MYO1F: variants seen among roughly 807,000 people sequenced by gnomAD.
MYO1F encodes myosin IF, also known as unconventional myosin-If.
In MYO1F, 60 loss-of-function variants were observed where a neutral mutation model predicts 146.6. That is an observed-to-expected ratio of 0.41 (90% CI 0.33 to 0.51). The LOEUF (loss-of-function observed/expected upper bound fraction) is 0.51. Ranked by LOEUF, MYO1F falls within the 20% of genes least tolerant of loss-of-function variation. The pLI is 0.25. For missense variants in MYO1F, 1,274 were observed against 1,534.3 expected (o/e 0.83, Z 2.83); for synonymous variants, 602 against 602.1 (o/e 1.00, Z 0.00).
At chr19:8,521,706 A>C in intron 27 of MYO1F, 102 bp from the exon 28 acceptor site, 1 of 1,115,232 alleles carries the variant, frequency 9.0e-7, no homozygotes. Flanking sequence ...TATGTTGTCC[A>C]GGCTGGTCTT....
At chr19:8,521,721 T>C in intron 27 of MYO1F, 117 bp from the exon 28 acceptor site, 2 of 948,638 alleles carry the variant, frequency 2.1e-6, no homozygotes, top group Non-Finnish European at 3.3e-6. Context: ...GGTCTTAAAC[T>C]CCTAGGCTTA....
chr19:8,539,602 A>C (rs1303888768), intron 16 of MYO1F, among the ~76,000 whole-genome samples: 1 of 151,948 alleles, frequency 6.6e-6, no homozygotes, highest in Non-Finnish European at 1.5e-5. Context: ...TCTCAAAAAA[A>C]AAAATTATTG....
chr19:8,558,476 T>G (rs567688212), intron 1 of MYO1F, among the ~76,000 whole-genome samples: 2 of 152,238 alleles, frequency 1.3e-5, no homozygotes, highest in South Asian at 4.2e-4. Flanking sequence ...CAGACGACAC[T>G]TTCTTTAGGC....
intron 5 of MYO1F, 25 bp from the exon 6 acceptor site, chr19:8,553,253 G>A (rs1471052818): frequency 6.2e-7 from 1 of 1,613,340 alleles, no homozygotes; most frequent in Admixed American, 1.7e-5. Flanking sequence ...GGTGGAGTGG[G>A]AAGAAGTCAG....
chr19:8,564,051 G>A lies in MYO1F; in HGVS notation c.4-8255C>T, dbSNP rs553149658. ...GTGTCCATTGTCTGAGGTTAATGTC[G>A]GGATTTAAAGGAGGCCTAATTAGGT... On this transcript the variant is annotated intron_variant, in intron 1 of 27. Coordinates refer to ENST00000644032, the MANE Select transcript of MYO1F (RefSeq NM_012335.4). Among the ~76,000 whole-genome samples the A allele has an allele frequency of 1.8e-4, 27 of 152,208 alleles. No individual in the cohort carries two copies. The East Asian group carries it at 4.5e-3, about 25-fold the overall frequency.
chr19:8,564,851 C>T (rs1233967214), intron 1 of MYO1F, among the ~76,000 whole-genome samples: 2 of 151,920 alleles, frequency 1.3e-5, no homozygotes, highest in East Asian at 1.9e-4. Context: ...CGGCTCACTG[C>T]AACCTCCGCC....
At chr19:8,531,380 G>A (rs778915917) in intron 19 of MYO1F, among the ~76,000 whole-genome samples, 5 of 152,108 alleles carry the variant, frequency 3.3e-5, no homozygotes, top group African/African-American at 4.8e-5. Flanking sequence ...ACAGGGTCTC[G>A]CTCCGTCGCC....
At chr19:8,545,425 G>A (rs551088499) in intron 13 of MYO1F, 22 of 554,880 alleles carry the variant, frequency 4.0e-5, no homozygotes, top group South Asian at 3.4e-4. Context: ...TGGGGTTCCC[G>A]GGGAAATGTT....
Position 8,523,919 on chromosome 19 carries a change from G to T in MYO1F, c.2855-1090C>A, listed in dbSNP as rs1817901822. Among the ~76,000 whole-genome samples the T allele has an allele frequency of 2.0e-5, 3 of 151,904 alleles. No individual in the cohort carries two copies. In the South Asian group the frequency reaches 6.2e-4, roughly 32 times the overall value. ...GCTGATCACGAGGTCTGGAGTTTGA[G>T]ACAAGCCTGGCCAACATAGTGAAAC... On this transcript the variant is annotated intron_variant, in intron 25 of 27. Transcript: ENST00000644032.
At chr19:8,573,276 ACTCCATCCTGGG>A (rs1555732430) in intron 1 of MYO1F, among the ~76,000 whole-genome samples, 1 of 151,848 alleles carries the variant, frequency 6.6e-6, no homozygotes, top group East Asian at 1.9e-4. Flanking sequence ...ATGCCACTGC[ACTCCATCCTGGG>A]TGACAGAGCG....
intron 12 of MYO1F, among the ~76,000 whole-genome samples, chr19:8,547,300 CAAAAAAAAAAAAA>C (rs1196814670): frequency 4.4e-5 from 2 of 44,994 alleles, no homozygotes; most frequent in Non-Finnish European, 3.9e-5. Flanking sequence ...GTTCCTGTCT[CAAAAAAAAAAAAA>C]AAAAAAAAAA....
intron 1 of MYO1F, among the ~76,000 whole-genome samples, chr19:8,568,393 G>A (rs988858976): frequency 6.3e-5 from 9 of 143,718 alleles, no homozygotes; most frequent in African/African-American, 1.9e-4. Context: ...ACTGCAGTCC[G>A]GCCTGGGTGA....
chr19:8,568,438 A>ACAACAAC (rs60042889), intron 1 of MYO1F, among the ~76,000 whole-genome samples: 9 of 149,514 alleles, frequency 6.0e-5, no homozygotes, highest in Admixed American at 2.7e-4. Context: ...AAAAAAAAAA[A>ACAACAAC]AAAAAAATTA....
chr19:8,549,687 T>C (rs554499098), intron 10 of MYO1F: 1 of 178,108 alleles, frequency 5.6e-6, no homozygotes, highest in African/African-American at 2.4e-5. Context: ...TAATTTTTAG[T>C]AGAGAGGGGG....
chr19:8,551,300 C>G (rs907411707), intron 8 of MYO1F: 22 of 252,266 alleles, frequency 8.7e-5, no homozygotes, highest in Non-Finnish European at 1.3e-4. Context: ...GATCTACCTG[C>G]CTCGGCCTCC....
At chr19:8,546,637 G>A (rs1568353671) in intron 12 of MYO1F, among the ~76,000 whole-genome samples, 1 of 151,972 alleles carries the variant, frequency 6.6e-6, no homozygotes, top group Non-Finnish European at 1.5e-5. Flanking sequence ...TGGGACTATA[G>A]GTGTGAGTGA....
intron 1 of MYO1F, among the ~76,000 whole-genome samples, chr19:8,569,440 TC>T (rs1018259262): frequency 3.9e-5 from 6 of 152,134 alleles, no homozygotes; most frequent in African/African-American, 1.4e-4. Context: ...GGGACAACCT[TC>T]CTGGTATCAC....
chr19:8,544,012 C>CGGTGGCGGTGGT, intron 14 of MYO1F: 1 of 214,090 alleles, frequency 4.7e-6, no homozygotes. Flanking sequence ...GTGGCGGTGG[C>CGGTGGCGGTGGT]GGTGGCGGTG....
chr19:8,524,768 G>A (rs961353090), intron 25 of MYO1F, among the ~76,000 whole-genome samples: 1 of 152,078 alleles, frequency 6.6e-6, no homozygotes, highest in African/African-American at 2.4e-5. Context: ...CCTATCCTCT[G>A]TAGGAGAGCT....
Sources: allele counts gnomAD v4.1 joint callset (sites outside exome capture counted in the v4.1 genomes callset), GRCh38; gene constraint gnomAD v4.1.1; transcripts MANE v1.5; gene names NCBI Gene and HGNC (gene_info 2026-07-23, HGNC 2026-07-21).